Variants in SLC7A8 observed in about 807,000 individuals in gnomAD.
SLC7A8 encodes solute carrier family 7 member 8.
A neutral mutation model predicts 51.2 loss-of-function variants in SLC7A8; 30 were observed. That is an observed-to-expected ratio of 0.59 (90% CI 0.44 to 0.80). SLC7A8 has a LOEUF of 0.80. Ranked by LOEUF, SLC7A8 falls within the 30% of genes least tolerant of loss-of-function variation. The pLI is 0.00. For missense variants in SLC7A8, 612 were observed against 674.4 expected, an observed-to-expected ratio of 0.91 and a Z score of 1.03; for synonymous variants, 257 against 275.8, an observed-to-expected ratio of 0.93 and a Z score of 0.67.
At chr14:23,161,477 C>T (rs917320777) in intron 3 of SLC7A8, among the ~76,000 whole-genome samples, 12 of 81,886 alleles carry the variant, frequency 1.5e-4, no homozygotes, top group Non-Finnish European at 4.2e-4. Context: ...CATATGTTTA[C>T]GCCACACCGG....
rs1310991744 is a variant in SLC7A8 at position 23,166,559 on chromosome 14, G to T, written c.152-19C>A. On this transcript the variant is annotated intron_variant, in intron 1 of 10. Coordinates refer to ENST00000316902, the MANE Select transcript of SLC7A8 (RefSeq NM_012244.4). ...ATGTTCCCTGCATGAGGCACCAAGG[G>T]TAAGGAGGGGAGACAGTAGAGACAG... The T allele has an allele frequency of 6.2e-7, 1 of 1,613,328 alleles. No individual in the cohort carries two copies. Among genetic ancestry groups the T allele is most frequent in the Non-Finnish European group, 8.5e-7 (1 of 1,179,596 alleles).
intron 1 of SLC7A8, among the ~76,000 whole-genome samples, chr14:23,172,854 A>G (rs1052529296): frequency 6.6e-6 from 1 of 152,150 alleles, no homozygotes; most frequent in Non-Finnish European, 1.5e-5. Flanking sequence ...GGGCTTCTCA[A>G]CCTCAGCACT....
Position 23,172,502 on chromosome 14 carries a change from A to G in SLC7A8, c.152-5962T>C, listed in dbSNP as rs149537821. ...AACTACCAGCTACTGAAAGACAGGC[A>G]TCGTAGCCTGGGGGTGGTGGGGGGC... On this transcript the variant is annotated intron_variant, in intron 1 of 10. Transcript: ENST00000316902. Among the ~76,000 whole-genome samples the G allele has an allele frequency of 2.0e-5, 3 of 152,308 alleles. No homozygotes were observed. The East Asian group carries it at 5.8e-4, about 29-fold the overall frequency.
At chr14:23,150,597 A>G (rs1013902243) in intron 3 of SLC7A8, among the ~76,000 whole-genome samples, 3 of 152,146 alleles carry the variant, frequency 2.0e-5, no homozygotes, top group Non-Finnish European at 2.9e-5. Flanking sequence ...GTCCATTTGA[A>G]TCATGTGACG....
chr14:23,148,846 T>C (rs565150895), intron 3 of SLC7A8, among the ~76,000 whole-genome samples: 12 of 152,324 alleles, frequency 7.9e-5, no homozygotes, highest in Non-Finnish European at 1.6e-4. Context: ...AGGACTAAGA[T>C]AGTACATTTG....
rs577792903 is a variant in SLC7A8 at position 23,166,874 on chromosome 14, G to A, written c.152-334C>T. On this transcript the variant is annotated intron_variant, in intron 1 of 10. Coordinates refer to ENST00000316902, the MANE Select transcript of SLC7A8 (RefSeq NM_012244.4). ...CAAGTGAGTTGCCTAGGTCCACATC[G>A]CAGTAAGTGATGGTGAAGTATTGAA... 3.2e-4 allele frequency among the ~76,000 whole-genome samples: 49 copies of A among 152,274 alleles called. 1 individual carries two copies. The South Asian group carries it at 6.6e-3, about 21-fold the overall frequency.
At position 23,129,640 on chromosome 14, in the gene SLC7A8, T is replaced by G. The variant is rs7157207; in HGVS notation, c.1263+10A>C. 488,070 of 1,612,340 alleles carry G rather than the reference T, an allele frequency of 0.3. 82,393 individuals carry two copies. Among genetic ancestry groups the G allele is most frequent in the East Asian group, 0.76 (33,896 of 44,838 alleles). On this transcript the variant is annotated intron_variant, in intron 9 of 10. Coordinates refer to ENST00000316902, the MANE Select transcript of SLC7A8 (RefSeq NM_012244.4). ...GAAGGGGAGGGGACCCCAAAGGGAG[T>G]TTCTCTCACCTTGATGGGGCGGGGG...
At chr14:23,172,355 G>A (rs185811610) in intron 1 of SLC7A8, among the ~76,000 whole-genome samples, 3 of 152,302 alleles carry the variant, frequency 2.0e-5, no homozygotes, top group East Asian at 1.9e-4. Flanking sequence ...GCAGGTGGGC[G>A]GGCAGCAGGT....
chr14:23,155,421 G>A (rs989100265), intron 3 of SLC7A8: 22 of 1,441,284 alleles, frequency 1.5e-5, no homozygotes, highest in South Asian at 7.3e-5. Context: ...TAGCTCCTGC[G>A]CCAGCTGCTG....
chr14:23,146,829 G>C (rs1452733949), intron 3 of SLC7A8: 2 of 152,206 alleles, frequency 1.3e-5, no homozygotes, highest in African/African-American at 4.8e-5. Flanking sequence ...CCTCACAGCA[G>C]GCTGAAACCT....
intron 1 of SLC7A8, among the ~76,000 whole-genome samples, chr14:23,168,104 C>T (rs865836586): frequency 1.3e-5 from 2 of 152,154 alleles, no homozygotes; most frequent in South Asian, 2.1e-4. Context: ...AATAATTCCT[C>T]ATCATCAAAT....
intron 3 of SLC7A8, among the ~76,000 whole-genome samples, chr14:23,164,991 CAAA>C (rs34297545): frequency 7.5e-6 from 1 of 134,050 alleles, no homozygotes. Context: ...GACCCTGCCT[CAAA>C]AAAAAAAAAA....
At chr14:23,139,967 G>A (rs974100720) in intron 5 of SLC7A8, among the ~76,000 whole-genome samples, 1 of 152,150 alleles carries the variant, frequency 6.6e-6, no homozygotes, top group Non-Finnish European at 1.5e-5. Context: ...TGACTGCACT[G>A]CTGGACTCCA....
chr14:23,135,681 G>A (rs1056858027), intron 7 of SLC7A8, among the ~76,000 whole-genome samples: 2 of 149,370 alleles, frequency 1.3e-5, no homozygotes, highest in African/African-American at 2.5e-5. Context: ...CAGCCTGGGC[G>A]ACAGAGCGAG....
chr14:23,174,200 A>G (rs2048988575), intron 1 of SLC7A8, among the ~76,000 whole-genome samples: 1 of 152,240 alleles, frequency 6.6e-6, no homozygotes, highest in Non-Finnish European at 1.5e-5. Context: ...ACCTGTCTTT[A>G]TCAGCTGCTT....
chr14:23,134,484 A>C (rs991572790), intron 7 of SLC7A8, among the ~76,000 whole-genome samples: 10 of 151,636 alleles, frequency 6.6e-5, no homozygotes, highest in African/African-American at 2.2e-4. Context: ...AAAGGAAAAA[A>C]TGAATAAAAT....
At chr14:23,139,067 C>G (rs2048717351) in intron 6 of SLC7A8, among the ~76,000 whole-genome samples, 1 of 152,200 alleles carries the variant, frequency 6.6e-6, no homozygotes, top group South Asian at 2.1e-4. Context: ...GAGGAGGGGC[C>G]TGTCTGCTTC....
chr14:23,164,521 A>G (rs1177054188), intron 3 of SLC7A8, among the ~76,000 whole-genome samples: 6 of 152,218 alleles, frequency 3.9e-5, no homozygotes, highest in Non-Finnish European at 4.4e-5. Context: ...GGCCCAAATC[A>G]GATAATATAG....
chr14:23,157,071 A>G (rs1217496472), intron 3 of SLC7A8, among the ~76,000 whole-genome samples: 1 of 152,232 alleles, frequency 6.6e-6, no homozygotes, highest in African/African-American at 2.4e-5. Context: ...TTAAGTGTTG[A>G]AGAGTGAGTA....
Sources: gnomAD v4.1 joint callset for allele counts (sites outside exome capture counted in the v4.1 genomes callset) on GRCh38, gnomAD v4.1.1 for gene constraint, MANE v1.5 for transcripts, NCBI Gene and HGNC (gene_info 2026-07-23, HGNC 2026-07-21) for gene names.